The following SPPL3 variants were observed in gnomAD, a reference collection of about 807,000 sequenced individuals.
The protein encoded by SPPL3 is signal peptide peptidase-like 3.
A neutral mutation model predicts 42.4 loss-of-function variants in SPPL3; 5 were observed. That is an observed-to-expected ratio of 0.12 (90% CI 0.06 to 0.25). The LOEUF is 0.25. Ranked by LOEUF, SPPL3 falls within the 10% of genes least tolerant of loss-of-function variation. SPPL3 has a pLI of 1.00. For missense variants in SPPL3, 235 were observed against 489.0 expected (o/e 0.48, Z 4.90); for synonymous variants, 195 against 181.8 (o/e 1.07, Z -0.58).
chr12:120,845,904 A>G (rs577383627), intron 1 of SPPL3, among the ~76,000 whole-genome samples: 36 of 143,298 alleles, frequency 2.5e-4, no homozygotes, highest in African/African-American at 9.4e-4. Context: ...CTATCTATCT[A>G]TCTATTTTTT....
At chr12:120,819,238 A>G (rs561639941) in intron 1 of SPPL3, among the ~76,000 whole-genome samples, 3 of 150,936 alleles carry the variant, frequency 2.0e-5, no homozygotes, top group East Asian at 2.0e-4. Flanking sequence ...GAATTTTACT[A>G]TATTACATTA....
chr12:120,838,858 A>G (rs1390639847), intron 1 of SPPL3, among the ~76,000 whole-genome samples: 1 of 152,190 alleles, frequency 6.6e-6, no homozygotes, highest in African/African-American at 2.4e-5. Flanking sequence ...TCAGGAAACA[A>G]CAGGTGCTGG....
chr12:120,825,659 T>C (rs978421441), intron 1 of SPPL3, among the ~76,000 whole-genome samples: 1 of 152,234 alleles, frequency 6.6e-6, no homozygotes, highest in Non-Finnish European at 1.5e-5. Flanking sequence ...CAAGGTTTGT[T>C]AGCAGGATTT....
intron 1 of SPPL3, among the ~76,000 whole-genome samples, chr12:120,818,678 C>T (rs990454461): frequency 3.9e-5 from 6 of 152,220 alleles, no homozygotes; most frequent in African/African-American, 1.4e-4. Flanking sequence ...TAACACTGCA[C>T]AGACATTGCC....
At chr12:120,835,044 A>G (rs1393412831) in intron 1 of SPPL3, among the ~76,000 whole-genome samples, 1 of 152,190 alleles carries the variant, frequency 6.6e-6, no homozygotes, top group African/African-American at 2.4e-5. Context: ...AAACTCTTCT[A>G]TGTTAATCAC....
At chr12:120,838,695 G>T (rs893725856) in intron 1 of SPPL3, among the ~76,000 whole-genome samples, 6 of 152,192 alleles carry the variant, frequency 3.9e-5, no homozygotes, top group Admixed American at 3.9e-4. Flanking sequence ...TATTGCCAAG[G>T]TACCTATTGG....
chr12:120,790,282 T>A (rs923240158), intron 3 of SPPL3, among the ~76,000 whole-genome samples: 2 of 152,240 alleles, frequency 1.3e-5, no homozygotes, highest in African/African-American at 4.8e-5. Flanking sequence ...ATGCCCACTT[T>A]GGCACTGCCA....
At chr12:120,899,760 GTACACGCCTGTAATCCCAGC>G (rs1873916821) in intron 1 of SPPL3, among the ~76,000 whole-genome samples, 1 of 151,944 alleles carries the variant, frequency 6.6e-6, no homozygotes, top group East Asian at 1.9e-4. Context: ...GGGCATGGTG[GTACACGCCTGTAATCCCAGC>G]TACTCGGGAG....
In SPPL3 at chr12:120,768,741, C is replaced by T. The variant is rs1868998661; in HGVS notation, c.609+212G>A. On this transcript the variant is annotated intron_variant, in intron 7 of 10. Transcript: ENST00000353487. ...TTGTCAGCCTGTTACCTCTTCTATC[C>T]TAGGAGTCACACACACACACTACCT... The T allele has an allele frequency of 9.5e-6, 6 of 629,118 alleles. No homozygotes were observed. The South Asian group carries it at 1.0e-4, about 10-fold the overall frequency. 39.0% of individuals were successfully genotyped at this position (629,118 alleles called of 1,614,324 possible).
At chr12:120,766,227 T>G (rs200502000) in intron 10 of SPPL3, 36 bp downstream of exon 10, 23 of 1,516,284 alleles carry the variant, frequency 1.5e-5, no homozygotes, top group Non-Finnish European at 1.9e-5. Flanking sequence ...CCAATCCAAG[T>G]TATTGCTTTC....
Position 120,825,920 on chromosome 12 carries a change from AAAG to A in SPPL3, c.24-15037_24-15035del, listed in dbSNP as rs143952730. Among the ~76,000 whole-genome samples the A allele has an allele frequency of 3.7e-3, 515 of 140,662 alleles. 2 individuals carry two copies. Among genetic ancestry groups the A allele is most frequent in the African/African-American group, 0.012 (498 of 40,342 alleles). The allele number at this position is 140,662 out of a possible 152,430, so 92.3% of individuals were successfully genotyped here. A position where few individuals can be genotyped will look rare whatever the true frequency, so the allele number is the denominator to read the frequency against. On this transcript the variant is annotated intron_variant, in intron 1 of 10. Transcript: ENST00000353487. ...TGCTATAGTCACAAACTATATTTTG[AAAG>A]AAGAACTAATGGGACCTCTCTTTGT...
chr12:120,890,775 AAATAATATTCTACAT>A (rs374960774), intron 1 of SPPL3, among the ~76,000 whole-genome samples: 9 of 152,282 alleles, frequency 5.9e-5, no homozygotes, highest in African/African-American at 2.2e-4. Flanking sequence ...AAAATATATT[AAATAATATTCTACAT>A]ATACACACAA....
At chr12:120,899,790 G>C (rs972480660) in intron 1 of SPPL3, among the ~76,000 whole-genome samples, 1 of 150,580 alleles carries the variant, frequency 6.6e-6, no homozygotes, top group African/African-American at 2.4e-5. Flanking sequence ...CTACTCGGGA[G>C]GCTGAGGCAC....
At chr12:120,809,814 A>C (rs1870622821) in intron 2 of SPPL3, among the ~76,000 whole-genome samples, 1 of 152,208 alleles carries the variant, frequency 6.6e-6, no homozygotes, top group Non-Finnish European at 1.5e-5. Context: ...AAGATGAACC[A>C]TATGAAATTG....
At chr12:120,778,359 C>T (rs377099558) in intron 6 of SPPL3, among the ~76,000 whole-genome samples, 2 of 151,916 alleles carry the variant, frequency 1.3e-5, no homozygotes, top group African/African-American at 2.4e-5. Flanking sequence ...TCAGGTGATG[C>T]GCCTGCCTCA....
At chr12:120,855,146 G>A (rs1478817807) in intron 1 of SPPL3, among the ~76,000 whole-genome samples, 1 of 152,070 alleles carries the variant, frequency 6.6e-6, no homozygotes, top group Non-Finnish European at 1.5e-5. Flanking sequence ...CAGAGTGCAA[G>A]AATGACGAGA....
At chr12:120,795,627 C>A (rs996546251) in intron 2 of SPPL3, among the ~76,000 whole-genome samples, 2 of 149,740 alleles carry the variant, frequency 1.3e-5, no homozygotes, top group African/African-American at 2.5e-5. Flanking sequence ...CTTTTTTGCC[C>A]CCTCTGGCAG....
At chr12:120,782,169 T>A (rs868106093) in intron 6 of SPPL3, among the ~76,000 whole-genome samples, 2 of 152,328 alleles carry the variant, frequency 1.3e-5, no homozygotes, top group South Asian at 4.1e-4. Flanking sequence ...TGTGCGAAGC[T>A]TCCATTTATA....
At chr12:120,806,115 G>A (rs774680064) in intron 2 of SPPL3, among the ~76,000 whole-genome samples, 4 of 149,726 alleles carry the variant, frequency 2.7e-5, no homozygotes, top group East Asian at 3.9e-4. Context: ...TACTTTAAAC[G>A]CGACAACAAT....
Sources: allele counts gnomAD v4.1 joint callset (sites outside exome capture counted in the v4.1 genomes callset), GRCh38; gene constraint gnomAD v4.1.1; transcripts MANE v1.5; gene names NCBI Gene and HGNC (gene_info 2026-07-23, HGNC 2026-07-21).